The following CCDC9 variants were observed in gnomAD, a reference collection of about 807,000 sequenced individuals.
CCDC9 encodes the protein coiled-coil domain containing 9, also known as coiled-coil domain-containing protein 9.
Under a neutral mutation model 65.6 loss-of-function variants are expected in CCDC9, and 52 were observed. That is an observed-to-expected ratio of 0.79 (90% CI 0.63 to 1.00). CCDC9 has a LOEUF of 1.00. CCDC9 is among the 50% of genes least tolerant of loss of function. The pLI is 0.00. For synonymous variants in CCDC9, 332 were observed against 280.3 expected (o/e 1.18, Z -1.84); for missense variants, 834 against 757.2 (o/e 1.10, Z -1.19).
At position 47,260,430 on chromosome 19, in the gene CCDC9, C is replaced by G. The variant is rs770040075; in HGVS notation, c.210+8C>G. 9 of 1,608,610 alleles carry G rather than the reference C, an allele frequency of 5.6e-6. No individual in the cohort carries two copies. The highest frequency in any genetic ancestry group is 2.7e-5 in the African/African-American group (2 of 74,706). Reference sequence around the variant, plus strand: ...AACGTGGCAGTGGAGTCGGTGAGCTCGTCACTGGGGTGTGGGACCCTGAGG... The same window carrying G: ...AACGTGGCAGTGGAGTCGGTGAGCTGGTCACTGGGGTGTGGGACCCTGAGG... On this transcript the variant is annotated splice_region_variant and intron_variant, in intron 4 of 11. Coordinates refer to ENST00000221922, the MANE Select transcript of CCDC9 (RefSeq NM_015603.3).
intron 8 of CCDC9, among the ~76,000 whole-genome samples, chr19:47,267,673 C>T (rs1481999838): frequency 6.6e-6 from 1 of 152,176 alleles, no homozygotes; most frequent in Non-Finnish European, 1.5e-5. Flanking sequence ...GGGAAATAAG[C>T]TCTGCCCCCT....
At chr19:47,269,767 C>CT (rs749821421) in intron 8 of CCDC9, among the ~76,000 whole-genome samples, 3 of 152,180 alleles carry the variant, frequency 2.0e-5, no homozygotes, top group Non-Finnish European at 4.4e-5. Flanking sequence ...GAGGCAGGAG[C>CT]TAGGTGTGGT....
intron 7 of CCDC9, among the ~76,000 whole-genome samples, chr19:47,265,394 C>T (rs562976581): frequency 6.6e-6 from 1 of 152,210 alleles, no homozygotes; most frequent in Admixed American, 6.6e-5. Context: ...TGTTTTGTTT[C>T]CTGCCAAGGT....
Position 47,270,570 on chromosome 19 carries a change from C to T in CCDC9, c.967C>T (p.Arg323Trp), listed in dbSNP as rs200778283. 81 of 1,613,926 alleles carry T rather than the reference C, an allele frequency of 5.0e-5. No homozygotes were observed. In the Middle Eastern group the frequency reaches 6.7e-4, roughly 13 times the overall value. The change falls in exon 10 of 12, where the codon CGG becomes TGG. Residue 323 changes from arginine to tryptophan, a missense_variant. Coordinates refer to ENST00000221922, the MANE Select transcript of CCDC9 (RefSeq NM_015603.3). Reference protein sequence around the residue: ...SHRYDDQAWARPPKPPTFGEF... With the variant: ...SHRYDDQAWAWPPKPPTFGEF... ...TGTTGCAGATGACCAGGCCTGGGCC[C>T]GGCCCCCGAAGCCCCCTACTTTTGG...
downstream of CCDC9, chr19:47,273,982 G>T (rs2059140742): frequency 1.0e-6 from 1 of 985,028 alleles, no homozygotes; most frequent in African/African-American, 1.7e-5. Context: ...CCGAATTCCT[G>T]AAGACGCTGC....
chr19:47,261,142 C>T (rs1349480446), intron 5 of CCDC9, among the ~76,000 whole-genome samples: 1 of 152,096 alleles, frequency 6.6e-6, no homozygotes, highest in African/African-American at 2.4e-5. Context: ...CCTCCCCTCT[C>T]CTGCTTAGTG....
Position 47,260,389 on chromosome 19 carries a change from C to T in CCDC9, c.177C>T (p.Arg59=). 1.2e-6 allele frequency: 2 copies of T among 1,606,868 alleles called. No homozygotes were observed. The highest frequency in any genetic ancestry group is 1.7e-6 in the Non-Finnish European group (2 of 1,176,718). Residue 59 remains arginine (R), a synonymous_variant, in exon 4 of 12, where the codon CGC becomes CGT. Coordinates refer to ENST00000221922, the MANE Select transcript of CCDC9 (RefSeq NM_015603.3). ...CAGTCACAGCTCCCCGAAAGGGCCG[C>T]TCAGTGGAGAAGGAGAACGTGGCAG... ...GVAVTAPRKG[R]SVEKENVAVE...
intron 7 of CCDC9, 82 bp from the exon 8 acceptor site, chr19:47,266,529 T>C: frequency 6.9e-7 from 1 of 1,440,268 alleles, no homozygotes; most frequent in Non-Finnish European, 9.1e-7. Context: ...TGTGTGATCC[T>C]GAGCAAGTGG....
rs1451572308 is a variant in CCDC9 at position 47,264,757 on chromosome 19, G to A, written c.547-16G>A. On this transcript the variant is annotated splice_polypyrimidine_tract_variant and intron_variant, in intron 6 of 11. Transcript: ENST00000221922. ...TGCGGGGAGCCCGCGCCAACCCCCT[G>A]CTCTGCTGCCTGCAGGAAGGGGTTC... 1.2e-6 allele frequency: 2 copies of A among 1,606,034 alleles called. No homozygotes were observed. Among genetic ancestry groups the A allele is most frequent in the Middle Eastern group, 1.7e-4 (1 of 6,036 alleles).
rs1158302196 is a variant in CCDC9 at position 47,265,984 on chromosome 19, C to CTTTT, written c.721-601_721-598dup. Among the ~76,000 whole-genome samples, 9 of 72,626 alleles carry CTTTT rather than the reference C, an allele frequency of 1.2e-4. 2 individuals are homozygous for CTTTT. The highest frequency in any genetic ancestry group is 5.7e-4 in the African/African-American group (7 of 12,238). The allele number at this position is 72,626 out of a possible 152,430, so 47.6% of individuals were successfully genotyped here. On this transcript the variant is annotated intron_variant, in intron 7 of 11. Transcript: ENST00000221922. ...TACAGGCGTGAGCCACCGCTCCTGG[C>CTTTT]TTTTTTTTTTTTTTTTTTTTTTTTT...
At chr19:47,263,487 G>C (rs1159408810) in intron 5 of CCDC9, among the ~76,000 whole-genome samples, 2 of 152,190 alleles carry the variant, frequency 1.3e-5, no homozygotes, top group East Asian at 3.8e-4. Flanking sequence ...TACCAGGGAT[G>C]CCCACGAGAG....
rs201519530 is a variant in CCDC9, at chr19:47,266,686, C to T, written c.796C>T (p.Arg266Cys). ...MTGRERSEYL[R>C]WKQEREKIDQ... The stretch of plus-strand genomic sequence containing the variant: ...GGGCCGGGAGCGGTCGGAGTACCTG[C>T]GCTGGAAGCAGGAGAGGGAGAAGAT... The change falls in exon 8 of 12, where the codon CGC (arginine) becomes TGC (cysteine). Residue 266 changes from arginine to cysteine, a missense_variant. Coordinates refer to ENST00000221922, the MANE Select transcript of CCDC9 (RefSeq NM_015603.3). 1.0e-4 allele frequency: 167 copies of T among 1,608,946 alleles called. No individual in the cohort carries two copies. The highest frequency in any genetic ancestry group is 4.7e-4 in the Admixed American group (28 of 59,308).
chr19:47,257,316 T>C (rs968913944), intron 1 of CCDC9, among the ~76,000 whole-genome samples: 5 of 140,796 alleles, frequency 3.6e-5, no homozygotes, highest in African/African-American at 8.2e-5. Context: ...GGAATAATAA[T>C]AAGAGATGGT....
chr19:47,258,759 C>T, intron 3 of CCDC9, 96 bp downstream of exon 3: 3 of 873,722 alleles, frequency 3.4e-6, no homozygotes, highest in Non-Finnish European at 5.7e-6. Flanking sequence ...CATGGCTCCC[C>T]ATCACTGTCA....
At chr19:47,269,695 G>A (rs1242197766) in intron 8 of CCDC9, among the ~76,000 whole-genome samples, 1 of 152,170 alleles carries the variant, frequency 6.6e-6, no homozygotes, top group Non-Finnish European at 1.5e-5. Flanking sequence ...CTGAAAGGAG[G>A]TGAGGGAGTG....
intron 11 of CCDC9, 30 bp downstream of exon 11, chr19:47,271,217 GCCTGGGGTGGGGGCTCAGGA>G (rs1387468562): frequency 1.2e-6 from 2 of 1,607,408 alleles, no homozygotes; most frequent in South Asian, 2.2e-5. Context: ...CAGGGCACGG[GCCTGGGGTGGGGGCTCAGGA>G]CCTGTGCCTT....
intron 3 of CCDC9, among the ~76,000 whole-genome samples, chr19:47,260,043 G>C (rs531513081): frequency 1.3e-5 from 2 of 152,186 alleles, no homozygotes; most frequent in Admixed American, 1.3e-4. Context: ...CGGAGTGATC[G>C]TGGGGAGAGG....
At chr19:47,268,699 C>T (rs1009511019) in intron 8 of CCDC9, among the ~76,000 whole-genome samples, 12 of 151,896 alleles carry the variant, frequency 7.9e-5, no homozygotes, top group Admixed American at 2.0e-4. Flanking sequence ...AGGTGGATCA[C>T]GAGGTCAGGA....
At chr19:47,270,313 T>A in intron 8 of CCDC9, 94 bp from the exon 9 acceptor site, 2 of 1,238,600 alleles carry the variant, frequency 1.6e-6, no homozygotes, top group South Asian at 2.5e-5. Flanking sequence ...CGTCTGTCTC[T>A]GATCCGATTC....
Sources: gnomAD v4.1 joint callset for allele counts (sites outside exome capture counted in the v4.1 genomes callset) on GRCh38, gnomAD v4.1.1 for gene constraint, MANE v1.5 for transcripts, NCBI Gene and HGNC (gene_info 2026-07-23, HGNC 2026-07-21) for gene names.